CDKN2AIP: variants seen among roughly 807,000 people sequenced by gnomAD.
The protein encoded by CDKN2AIP is CDKN2A-interacting protein.
A neutral mutation model predicts 44.1 loss-of-function variants in CDKN2AIP; 12 were observed. That is an observed-to-expected ratio of 0.27 (90% confidence interval 0.17 to 0.44). The LOEUF is 0.44. Among genes scored for constraint, CDKN2AIP ranks in the 20% least tolerant of loss-of-function variants. CDKN2AIP has a pLI of 1.00. For synonymous variants in CDKN2AIP, 291 were observed against 272.1 expected (o/e 1.07, Z -0.68); for missense variants, 705 against 681.6 (o/e 1.03, Z -0.38).
In CDKN2AIP at chr4:183,444,662, CTGT is replaced by C. The variant is rs1456245259; in HGVS notation, c.-131_-129del. ...GTGGGCGGTTCGGCGGCTCTGGGCG[CTGT>C]TGTTTGGTCTTTAGGCCTGCGGAGG... is the stretch of plus-strand genomic sequence containing the variant. On this transcript the variant is annotated 5_prime_UTR_variant, in exon 1 of 3. Transcript: ENST00000504169. The C allele has an allele frequency of 6.2e-6, 5 of 804,624 alleles. No individual in the cohort carries two copies. Among genetic ancestry groups the C allele is most frequent in the African/African-American group, 5.5e-5 (3 of 54,852 alleles). The allele number at this position is 804,624 out of a possible 1,614,324, so 49.8% of individuals were successfully genotyped here.
rs1733694814 is a variant in CDKN2AIP, at chr4:183,446,871, T to G, written c.1187T>G (p.Leu396Trp). 1 of 1,614,196 alleles carries G rather than the reference T, an allele frequency of 6.2e-7. No homozygotes were observed. Among genetic ancestry groups the G allele is most frequent in the Non-Finnish European group, 8.5e-7 (1 of 1,180,014 alleles). Residue 396 changes from leucine to tryptophan, a missense_variant, in exon 3 of 3, where the codon TTG becomes TGG. By Grantham distance (61) the Leu-to-Trp change is moderately conservative. Coordinates refer to ENST00000504169, the MANE Select transcript of CDKN2AIP (RefSeq NM_017632.4). ...ACTTCCTTAGCAAGTGTGTCCCAGT[T>G]GGCTTCTAAGAGTAGTTCTCAGACT... is the stretch of plus-strand genomic sequence containing the variant. ...KSTSLASVSQ[L>W]ASKSSSQTST... is the part of the protein sequence containing the mutation.
At position 183,444,728 on chromosome 4, in the gene CDKN2AIP, A is replaced by G. The variant is rs1733622177; in HGVS notation, c.-70A>G. Reference sequence around the variant, plus strand: ...AGGGCCGCGGGTGCAGGCCGCAGTGACAGGGCCGCTCGCCCCGCTAGTCCT... The same window carrying G: ...AGGGCCGCGGGTGCAGGCCGCAGTGGCAGGGCCGCTCGCCCCGCTAGTCCT... On this transcript the variant is annotated 5_prime_UTR_variant, in exon 1 of 3. Transcript: ENST00000504169. The G allele has an allele frequency of 7.0e-7, 1 of 1,431,436 alleles. No homozygotes were observed. Among genetic ancestry groups the G allele is most frequent in the Non-Finnish European group, 9.2e-7 (1 of 1,082,882 alleles). The allele number at this position is 1,431,436 out of a possible 1,614,324, so 88.7% of individuals were successfully genotyped here.
chr4:183,446,348 G>GT lies in CDKN2AIP; in HGVS notation c.665dup (p.Thr223AsnfsTer10). On this transcript the variant is annotated frameshift_variant, in exon 3 of 3. Coordinates refer to ENST00000504169, the MANE Select transcript of CDKN2AIP (RefSeq NM_017632.4). LOFTEE classifies it high-confidence loss of function. The stretch of plus-strand genomic sequence containing the variant: ...AAGCAGCAGCAGCGTTTCCTCTCAG[G>GT]TAACAACGGCAGGATCTGGGAAAGC... The GT allele has an allele frequency of 4.3e-6, 7 of 1,614,170 alleles. No homozygotes were observed. The highest frequency in any genetic ancestry group is 5.9e-6 in the Non-Finnish European group (7 of 1,180,002).
Position 183,447,124 on chromosome 4 carries a change from A to G in CDKN2AIP, c.1440A>G (p.Val480=), listed in dbSNP as rs1733700449. The G allele has an allele frequency of 6.2e-7, 1 of 1,614,072 alleles. No homozygotes were observed. ...AGGCTCTGAAAGCAACACTGGATGT[A>G]TTTTTTGTCCCACTAAAAGAATTGG... is the stretch of plus-strand genomic sequence containing the variant. The part of the protein sequence containing the change: ...AIEALKATLD[V]FFVPLKELAD... The change falls in exon 3 of 3, where the codon GTA becomes GTG. Residue 480 remains valine (V), a synonymous_variant. Coordinates refer to ENST00000504169, the MANE Select transcript of CDKN2AIP (RefSeq NM_017632.4).
intron 1 of CDKN2AIP, 148 bp downstream of exon 1, chr4:183,445,217 G>A (rs60979265): frequency 0.056 from 53,658 of 955,724 alleles, 2,590 homozygotes; most frequent in Admixed American, 0.16. Context: ...CTCTAAGGGG[G>A]AGAAGGGCGT....
Position 183,446,941 on chromosome 4 carries a change from G to C in CDKN2AIP, c.1257G>C (p.Glu419Asp), listed in dbSNP as rs200444062. ...CTAAAAGTACTTCACAGTCAAGTGAGAGTTCTGTCAAATTCTCTTGCAAGT... is the reference window on the plus strand; with the variant it reads ...CTAAAAGTACTTCACAGTCAAGTGACAGTTCTGTCAAATTCTCTTGCAAGT... ...LPSKSTSQSS[E>D]SSVKFSCKLT... The change falls in exon 3 of 3, where the codon GAG becomes GAC. Residue 419 changes from glutamate to aspartate, a missense_variant. Around this residue, in one of 2 missense-constraint regions of CDKN2AIP, gnomAD observed 592 missense variants for 518.0 expected, o/e 1.14. Transcript: ENST00000504169. 5 of 1,614,244 alleles carry C rather than the reference G, an allele frequency of 3.1e-6. No individual in the cohort carries two copies. Among genetic ancestry groups the C allele is most frequent in the Non-Finnish European group, 4.2e-6 (5 of 1,180,044 alleles).
At chr4:183,445,854 C>T in intron 2 of CDKN2AIP, 189 bp downstream of exon 2, 2 of 640,154 alleles carry the variant, frequency 3.1e-6, no homozygotes, top group Non-Finnish European at 5.4e-6. Context: ...TTTGCTTTGA[C>T]TGCTTTAGAT....
At chr4:183,445,492 T>C (rs1414952702) in intron 1 of CDKN2AIP, 43 bp from the exon 2 acceptor site, 2 of 1,538,124 alleles carry the variant, frequency 1.3e-6, no homozygotes, top group Non-Finnish European at 1.8e-6. Flanking sequence ...AGTAGGACCT[T>C]AGAAAAAACA....
Position 183,445,028 on chromosome 4 carries a change from C to T in CDKN2AIP, c.231C>T (p.Ser77=), listed in dbSNP as rs1304577609. Residue 77 remains serine, a synonymous_variant, in exon 1 of 3, where the codon TCC becomes TCT. Coordinates refer to ENST00000504169, the MANE Select transcript of CDKN2AIP (RefSeq NM_017632.4). ...ACCGGCAGCTGCAGCAGCTCATCTC[C>T]TTTTCCATGGCCTGGGCGAACCACG... is the stretch of plus-strand genomic sequence containing the variant. ...TRNRQLQQLI[S]FSMAWANHVF... 15 of 1,600,960 alleles carry T rather than the reference C, an allele frequency of 9.4e-6. No homozygotes were observed. Among genetic ancestry groups the T allele is most frequent in the Non-Finnish European group, 1.3e-5 (15 of 1,171,696 alleles).
Position 183,444,758 on chromosome 4 carries a change from G to A in CDKN2AIP, c.-40G>A. On this transcript the variant is annotated 5_prime_UTR_variant, in exon 1 of 3. Transcript: ENST00000504169. Reference sequence around the variant, plus strand: ...GCCGCTCGCCCCGCTAGTCCTGCCTGTCTCCCGGTGCAGCTGTGTTCGCGG... The same window carrying A: ...GCCGCTCGCCCCGCTAGTCCTGCCTATCTCCCGGTGCAGCTGTGTTCGCGG... The A allele has an allele frequency of 4.7e-6, 7 of 1,480,666 alleles. No individual in the cohort carries two copies. Among genetic ancestry groups the A allele is most frequent in the Non-Finnish European group, 6.3e-6 (7 of 1,108,516 alleles). The allele number at this position is 1,480,666 out of a possible 1,614,324, so 91.7% of individuals were successfully genotyped here. A position where few individuals can be genotyped will look rare whatever the true frequency, so the allele number is the denominator to read the frequency against.
chr4:183,446,673 C>G lies in CDKN2AIP; in HGVS notation c.989C>G (p.Ser330Ter). The change falls in exon 3 of 3, where the codon TCA becomes TGA. Residue 330 changes from serine (S) to a stop codon, truncating the protein, a stop_gained. Coordinates refer to ENST00000504169, the MANE Select transcript of CDKN2AIP (RefSeq NM_017632.4). LOFTEE classifies it high-confidence loss of function. ...TSKTSSEASV[S>*]SSVAKNSSSS... The stretch of plus-strand genomic sequence containing the variant: ...AAAACTAGTTCAGAGGCAAGTGTTT[C>G]ATCATCAGTTGCTAAAAACAGTTCC... 6.2e-7 allele frequency: 1 copy of G among 1,614,064 alleles called. No homozygotes were observed. The highest frequency in any genetic ancestry group is 8.5e-7 in the Non-Finnish European group (1 of 1,179,892).
chr4:183,447,141 A>G lies in CDKN2AIP; in HGVS notation c.1457A>G (p.Lys486Arg), dbSNP rs779507257. 12 of 1,614,106 alleles carry G rather than the reference A, an allele frequency of 7.4e-6. 1 individual carries two copies. In the South Asian group the frequency reaches 1.3e-4, roughly 18 times the overall value. ...ATLDVFFVPL[K>R]ELADLPQNKS... ...CTGGATGTATTTTTTGTCCCACTAA[A>G]AGAATTGGCAGATCTGCCTCAAAAT... Residue 486 changes from lysine to arginine, a missense_variant, in exon 3 of 3, where the codon AAA becomes AGA. Transcript: ENST00000504169.
chr4:183,446,987 CAGA>C lies in CDKN2AIP; in HGVS notation c.1306_1308del (p.Lys436del). 2.5e-6 allele frequency: 4 copies of C among 1,614,166 alleles called. No individual in the cohort carries two copies. Among genetic ancestry groups the C allele is most frequent in the Non-Finnish European group, 3.4e-6 (4 of 1,179,984 alleles). ...CAAGTTAACCAATGAAGATGTGAAA[CAGA>C]AGCAACCTTTTTTCAATAGACTATA... On this transcript the variant is annotated inframe_deletion, in exon 3 of 3. Transcript: ENST00000504169.
intron 1 of CDKN2AIP, 168 bp downstream of exon 1, chr4:183,445,237 G>A: frequency 1.3e-6 from 1 of 788,474 alleles, no homozygotes; most frequent in Non-Finnish European, 2.0e-6. Context: ...TCCCTGCGAG[G>A]AGCCGACATG....
chr4:183,447,355 A>C lies in CDKN2AIP; in HGVS notation c.1671A>C (p.Leu557=), dbSNP rs1445413356. 2 of 1,593,754 alleles carry C rather than the reference A, an allele frequency of 1.3e-6. No individual in the cohort carries two copies. Among genetic ancestry groups the C allele is most frequent in the Non-Finnish European group, 1.7e-6 (2 of 1,171,792 alleles). Residue 557 remains leucine (L), a synonymous_variant, in exon 3 of 3, where the codon CTA becomes CTC. Coordinates refer to ENST00000504169, the MANE Select transcript of CDKN2AIP (RefSeq NM_017632.4). The part of the protein sequence containing the change: ...RKYRGSEIED[L]VLLDEESRPV... ...ACAGAGGCAGTGAAATAGAAGATCT[A>C]GTACTCCTTGATGAAGAATCGAGGC...
At position 183,446,671 on chromosome 4, in the gene CDKN2AIP, TTCA is replaced by T. The variant is rs1447278693; in HGVS notation, c.994_996del (p.Ser332del). ...CCAAAACTAGTTCAGAGGCAAGTGT[TTCA>T]TCATCAGTTGCTAAAAACAGTTCCT... On this transcript the variant is annotated inframe_deletion, in exon 3 of 3. Coordinates refer to ENST00000504169, the MANE Select transcript of CDKN2AIP (RefSeq NM_017632.4). 2 of 1,614,068 alleles carry T rather than the reference TTCA, an allele frequency of 1.2e-6. No homozygotes were observed. The highest frequency in any genetic ancestry group is 1.3e-5 in the African/African-American group (1 of 74,934).
intron 2 of CDKN2AIP, 69 bp downstream of exon 2, chr4:183,445,734 T>A: frequency 7.5e-7 from 1 of 1,334,924 alleles, no homozygotes; most frequent in Non-Finnish European, 1.1e-6. Context: ...TAGGAATTAT[T>A]GTTACTAATT....
rs1221476970 is a variant in CDKN2AIP, at chr4:183,444,926, C to A, written c.129C>A (p.Ala43=). The change falls in exon 1 of 3, where the codon GCC becomes GCA. Residue 43 remains alanine, a synonymous_variant. Coordinates refer to ENST00000504169, the MANE Select transcript of CDKN2AIP (RefSeq NM_017632.4). ...GCCGGGATTTTTTGCTTCGCAACGCCGGGGACCTGGCCCCCGCTGGCGGCG... is the reference window on the plus strand; with the variant it reads ...GCCGGGATTTTTTGCTTCGCAACGCAGGGGACCTGGCCCCCGCTGGCGGCG... ...RHRRDFLLRN[A]GDLAPAGGAA... 1 of 1,611,150 alleles carries A rather than the reference C, an allele frequency of 6.2e-7. No homozygotes were observed. Among genetic ancestry groups the A allele is most frequent in the Non-Finnish European group, 8.5e-7 (1 of 1,178,906 alleles).
rs1733741172 is a variant in CDKN2AIP, at chr4:183,449,039, C to G, written c.*1612C>G. 6.6e-6 allele frequency among the ~76,000 whole-genome samples: 1 copy of G among 152,042 alleles called. No homozygotes were observed. On this transcript the variant is annotated 3_prime_UTR_variant, in exon 3 of 3. Transcript: ENST00000504169. ...CAGAAAAGCAAAAAATTACAACGAA[C>G]AAATAAATTTATATAATATATCCAA... is the stretch of plus-strand genomic sequence containing the variant.
Sources: gnomAD v4.1 joint callset for allele counts (sites outside exome capture counted in the v4.1 genomes callset) on GRCh38, gnomAD v4.1.1 for gene constraint, gnomAD v4.1.1 regional missense constraint, MANE v1.5 for transcripts, NCBI Gene and HGNC (gene_info 2026-07-23, HGNC 2026-07-21) for gene names.